The following PRKN variants were observed in gnomAD, a reference collection of about 807,000 sequenced individuals.
The protein encoded by PRKN is E3 ubiquitin-protein ligase parkin.
A neutral mutation model predicts 59.5 loss-of-function variants in PRKN; 56 were observed. The ratio of observed to expected loss-of-function variants is 0.94; its 90% CI spans 0.76 to 1.18. The LOEUF (loss-of-function observed/expected upper bound fraction) is 1.18, where lower values mean the gene tolerates loss of function less well. Among genes scored for constraint, PRKN ranks in the 50% most tolerant of loss-of-function variants. PRKN has a pLI of 0.00. For missense variants in PRKN, 657 were observed against 596.4 expected (o/e 1.10, Z -1.06); for synonymous variants, 250 against 222.1 (o/e 1.13, Z -1.12).
intron 3 of PRKN, among the ~76,000 whole-genome samples, chr6:162,256,626 C>A (rs75758097): frequency 0.073 from 11,070 of 152,084 alleles, 621 homozygotes; most frequent in Middle Eastern, 0.15. Context: ...CCCATCTTGG[C>A]ATATGGGCAG....
At chr6:162,387,553 C>CAG (rs1204741690) in intron 2 of PRKN, among the ~76,000 whole-genome samples, 47 of 80,256 alleles carry the variant, frequency 5.9e-4, no homozygotes, top group Non-Finnish European at 8.3e-4. Flanking sequence ...CACACACACA[C>CAG]ACAGAGAGAG....
intron 1 of PRKN, among the ~76,000 whole-genome samples, chr6:162,483,518 G>A (rs1163485687): frequency 1.3e-5 from 2 of 151,538 alleles, no homozygotes; most frequent in Non-Finnish European, 2.9e-5. Flanking sequence ...GGCAGTGGCG[G>A]CAGTGGGGGC....
At chr6:161,654,797 A>G (rs1241861782) in intron 7 of PRKN, among the ~76,000 whole-genome samples, 1 of 152,214 alleles carries the variant, frequency 6.6e-6, no homozygotes, top group Non-Finnish European at 1.5e-5. Context: ...GAAGGAGGCC[A>G]GCAAAGGCCA....
At chr6:161,708,429 T>G (rs1010873669) in intron 7 of PRKN, among the ~76,000 whole-genome samples, 31 of 151,246 alleles carry the variant, frequency 2.0e-4, no homozygotes, top group Non-Finnish European at 1.5e-4. Context: ...CTTTTTCTTT[T>G]CTTTAAGGTT....
At chr6:161,836,256 GAGCCC>G in intron 6 of PRKN, among the ~76,000 whole-genome samples, 1 of 152,246 alleles carries the variant, frequency 6.6e-6, no homozygotes, top group East Asian at 1.9e-4. Context: ...AGGGTCCTGA[GAGCCC>G]TGCCATATGT....
chr6:162,384,249 C>A (rs188527027), intron 2 of PRKN, among the ~76,000 whole-genome samples: 22 of 152,224 alleles, frequency 1.4e-4, no homozygotes, highest in East Asian at 9.7e-4. Context: ...CTAAATTATT[C>A]CTAGCTTTTG....
rs114386239 is a variant in PRKN, at chr6:162,034,986, C to T, written c.618+19105G>A. Among the ~76,000 whole-genome samples the T allele has an allele frequency of 5.2e-3, 789 of 152,194 alleles. 8 individuals are homozygous for T. Among genetic ancestry groups the T allele is most frequent in the African/African-American group, 0.018 (728 of 41,528 alleles). On this transcript the variant is annotated intron_variant, in intron 5 of 11. Transcript: ENST00000366898. Reference sequence around the variant, plus strand: ...AATTTAAAAGAAAAGAGGTTTAGTTCGCTCACGGTTCTGAAGGCTGTACAA... The same window carrying T: ...AATTTAAAAGAAAAGAGGTTTAGTTTGCTCACGGTTCTGAAGGCTGTACAA...
At chr6:162,279,052 G>A (rs536971459) in intron 2 of PRKN, among the ~76,000 whole-genome samples, 67 of 152,096 alleles carry the variant, frequency 4.4e-4, no homozygotes, top group African/African-American at 1.4e-3. Context: ...AAATGTTGGC[G>A]AGGTGAGGTG....
chr6:162,572,550 T>C (rs181158909), intron 1 of PRKN, among the ~76,000 whole-genome samples: 112 of 152,266 alleles, frequency 7.4e-4, no homozygotes, highest in Admixed American at 4.1e-3. Context: ...AGTCTGTCAC[T>C]AGAGAGAGCA....
At chr6:162,477,620 C>A (rs1432582353) in intron 1 of PRKN, among the ~76,000 whole-genome samples, 2 of 152,108 alleles carry the variant, frequency 1.3e-5, no homozygotes, top group African/African-American at 2.4e-5. Flanking sequence ...TTACGATTCC[C>A]TTTTTCCACC....
At chr6:162,516,961 G>A (rs1777887626) in intron 1 of PRKN, among the ~76,000 whole-genome samples, 1 of 152,042 alleles carries the variant, frequency 6.6e-6, no homozygotes, top group Non-Finnish European at 1.5e-5. Flanking sequence ...TCTAAAAAGT[G>A]AGGCAGAAGT....
intron 1 of PRKN, among the ~76,000 whole-genome samples, chr6:162,674,571 G>A (rs1194560673): frequency 6.6e-6 from 1 of 152,166 alleles, no homozygotes; most frequent in South Asian, 2.1e-4. Context: ...GTGATAGGAT[G>A]CTCGTGGAAC....
intron 1 of PRKN, among the ~76,000 whole-genome samples, chr6:162,478,496 A>C (rs73785513): frequency 6.6e-6 from 1 of 152,182 alleles, no homozygotes; most frequent in Non-Finnish European, 1.5e-5. Context: ...ACAGCCAGTG[A>C]ACAATCTAGG....
In PRKN at chr6:161,527,332, C is replaced by T. The variant is rs750606717; in HGVS notation, c.1083+21522G>A. Among the ~76,000 whole-genome samples, 8 of 152,206 alleles carry T rather than the reference C, an allele frequency of 5.3e-5. No individual in the cohort carries two copies. Among genetic ancestry groups the T allele is most frequent in the Non-Finnish European group, 1.0e-4 (7 of 68,036 alleles). ...TGGGGTGAAGTGTCTTGAGCCCCAA[C>T]GGCATCAAGTATGAACTTGGAGCCA... is the stretch of plus-strand genomic sequence containing the variant. On this transcript the variant is annotated intron_variant, in intron 9 of 11. Coordinates refer to ENST00000366898, the MANE Select transcript of PRKN (RefSeq NM_004562.3). The surrounding 1 kb of genome is among the most constrained non-coding windows in gnomAD (Gnocchi z 4.6).
rs188257589 is a variant in PRKN, at chr6:161,822,497, G to A, written c.735-36589C>T. ...TCAACACCAGCCTGGCCAACATGGC[G>A]AAACCCCGTCTCAACTAAAAATACA... On this transcript the variant is annotated intron_variant, in intron 6 of 11. Coordinates refer to ENST00000366898, the MANE Select transcript of PRKN (RefSeq NM_004562.3). Among the ~76,000 whole-genome samples the A allele has an allele frequency of 5.9e-3, 892 of 152,254 alleles. 6 individuals are homozygous for A. Among genetic ancestry groups the A allele is most frequent in the African/African-American group, 0.02 (844 of 41,546 alleles).
At chr6:161,422,808 C>G (rs1458802243) in intron 9 of PRKN, among the ~76,000 whole-genome samples, 2 of 152,096 alleles carry the variant, frequency 1.3e-5, no homozygotes, top group African/African-American at 2.4e-5. Flanking sequence ...ATTTTCAAAG[C>G]TACTTCTTCT....
chr6:162,285,709 T>C lies in PRKN; in HGVS notation c.172-22944A>G, dbSNP rs528227597. ...AGCTGGCACCTCATCGAAATCTGTT[T>C]CCTCCTCTTCCCCGACACCAGATGA... On this transcript the variant is annotated intron_variant, in intron 2 of 11. Transcript: ENST00000366898. 4.5e-4 allele frequency among the ~76,000 whole-genome samples: 68 copies of C among 152,282 alleles called. 3 individuals carry two copies. In the South Asian group the frequency reaches 0.014, roughly 31 times the overall value.
chr6:161,686,192 C>A (rs1334544674), intron 7 of PRKN, among the ~76,000 whole-genome samples: 1 of 151,830 alleles, frequency 6.6e-6, no homozygotes, highest in Non-Finnish European at 1.5e-5. Flanking sequence ...GAGTTCAGGT[C>A]ATTAGCATTT....
intron 6 of PRKN, among the ~76,000 whole-genome samples, chr6:161,844,209 A>C (rs10945781): frequency 0.39 from 59,979 of 152,080 alleles, 12,353 homozygotes; most frequent in East Asian, 0.56. Context: ...AAAGACTAAA[A>C]GATCTTTCAA....
Sources: allele counts gnomAD v4.1 joint callset (sites outside exome capture counted in the v4.1 genomes callset), GRCh38; gene constraint gnomAD v4.1.1; non-coding constraint Gnocchi (gnomAD v3.1); transcripts MANE v1.5; gene names NCBI Gene and HGNC (gene_info 2026-07-23, HGNC 2026-07-21).